ADARB2: variants seen among roughly 807,000 people sequenced by gnomAD.
ADARB2 encodes inactive double-stranded RNA-specific editase B2.
ADARB2 carries 25 observed loss-of-function variants against 62.2 expected under a neutral mutation model. The observed-to-expected ratio is 0.40, with a 90% CI of 0.29 to 0.56. ADARB2 has a LOEUF of 0.56. Among genes scored for constraint, ADARB2 ranks in the 20% least tolerant of loss-of-function variants. The pLI is 0.43. For synonymous variants in ADARB2, 572 were observed against 500.8 expected (o/e 1.14, Z -1.90); for missense variants, 1,071 against 1,077.4 (o/e 0.99, Z 0.08).
chr10:1,435,747 T>C (rs1588256807), intron 1 of ADARB2, among the ~76,000 whole-genome samples: 1 of 152,304 alleles, frequency 6.6e-6, no homozygotes, highest in East Asian at 1.9e-4. Context: ...GCCACCTGCC[T>C]CCCTGCTGGC....
chr10:1,670,389 G>A (rs1407730765), intron 1 of ADARB2, among the ~76,000 whole-genome samples: 4 of 152,150 alleles, frequency 2.6e-5, no homozygotes, highest in Non-Finnish European at 5.9e-5. Context: ...TTTTACTTAG[G>A]GCACATTATT....
chr10:1,731,779 C>A (rs1189671398), intron 1 of ADARB2, among the ~76,000 whole-genome samples: 1 of 152,194 alleles, frequency 6.6e-6, no homozygotes, highest in Admixed American at 6.5e-5. Context: ...CTTGAGCTAT[C>A]CTAACCACAG....
chr10:1,616,751 C>T (rs1588325260), intron 1 of ADARB2, among the ~76,000 whole-genome samples: 2 of 145,704 alleles, frequency 1.4e-5, no homozygotes, highest in East Asian at 2.1e-4. Context: ...AGACACACTC[C>T]ACACTGCCCT....
At chr10:1,212,505 A>G (rs1428971518) in intron 7 of ADARB2, among the ~76,000 whole-genome samples, 1 of 152,176 alleles carries the variant, frequency 6.6e-6, no homozygotes, top group African/African-American at 2.4e-5. Flanking sequence ...GAGTGGTGGC[A>G]CCACTTCTGT....
chr10:1,424,821 T>C (rs753230417), intron 1 of ADARB2, among the ~76,000 whole-genome samples: 1 of 152,192 alleles, frequency 6.6e-6, no homozygotes, highest in Non-Finnish European at 1.5e-5. Context: ...TCCTGTCGCA[T>C]TTTGGTTGCC....
intron 1 of ADARB2, chr10:1,678,216 A>C: frequency 1.0e-6 from 1 of 983,874 alleles, no homozygotes; most frequent in East Asian, 1.1e-4. Flanking sequence ...GAGTGGCCTC[A>C]GGGTGAGCGA....
At chr10:1,517,157 C>T (rs910224257) in intron 1 of ADARB2, among the ~76,000 whole-genome samples, 11 of 152,068 alleles carry the variant, frequency 7.2e-5, no homozygotes, top group Admixed American at 2.0e-4. Flanking sequence ...GTCACCCAGA[C>T]GTGGCCCCTG....
intron 1 of ADARB2, among the ~76,000 whole-genome samples, chr10:1,694,200 G>T (rs1383643651): frequency 6.6e-6 from 1 of 152,098 alleles, no homozygotes; most frequent in African/African-American, 2.4e-5. Flanking sequence ...TATTCTGTAC[G>T]GTTTTACTAC....
intron 1 of ADARB2, among the ~76,000 whole-genome samples, chr10:1,449,799 A>G (rs1346969670): frequency 6.6e-6 from 1 of 152,270 alleles, no homozygotes; most frequent in African/African-American, 2.4e-5. Context: ...TTAGGCACTC[A>G]ATGGCTAAAT....
intron 7 of ADARB2, among the ~76,000 whole-genome samples, chr10:1,204,385 A>T (rs765700324): frequency 6.6e-6 from 1 of 152,258 alleles, no homozygotes. Context: ...ATTGCAAAGC[A>T]GACAAAGCAC....
At chr10:1,377,820 C>G (rs148968553) in intron 2 of ADARB2, among the ~76,000 whole-genome samples, 1 of 152,138 alleles carries the variant, frequency 6.6e-6, no homozygotes, top group Non-Finnish European at 1.5e-5. Flanking sequence ...TCGCTCTGGT[C>G]CTGACACTCA....
intron 1 of ADARB2, among the ~76,000 whole-genome samples, chr10:1,573,616 C>A (rs991777594): frequency 6.6e-6 from 1 of 152,286 alleles, no homozygotes; most frequent in African/African-American, 2.4e-5. Flanking sequence ...CAGGCCCAGG[C>A]GCACTCTGCA....
At chr10:1,633,496 C>T (rs1833867112) in intron 1 of ADARB2, among the ~76,000 whole-genome samples, 1 of 148,046 alleles carries the variant, frequency 6.8e-6, no homozygotes, top group Non-Finnish European at 1.5e-5. Flanking sequence ...AAGTGAACAT[C>T]TCAGGTAAGG....
chr10:1,431,645 T>C lies in ADARB2; in HGVS notation c.101-52485A>G, dbSNP rs1318628641. The stretch of plus-strand genomic sequence containing the variant: ...ATCAATCAAATTGAAAACAAGAAAA[T>C]AGAAAATCAGTGAAATGAAACTAGT... On this transcript the variant is annotated intron_variant, in intron 1 of 9. Transcript: ENST00000381312. 1.3e-5 allele frequency among the ~76,000 whole-genome samples: 2 copies of C among 151,410 alleles called. 1 individual carries two copies. Among genetic ancestry groups the C allele is most frequent in the Middle Eastern group, 6.8e-3 (2 of 292 alleles).
intron 3 of ADARB2, among the ~76,000 whole-genome samples, chr10:1,272,148 C>T (rs558682939): frequency 4.7e-4 from 71 of 152,310 alleles, no homozygotes; most frequent in Non-Finnish European, 6.8e-4. Context: ...TTGCCTGAGC[C>T]TCTGAGCAGC....
chr10:1,499,902 TTCATTAC>T (rs1429099442), intron 1 of ADARB2, among the ~76,000 whole-genome samples: 2 of 152,094 alleles, frequency 1.3e-5, no homozygotes, highest in Non-Finnish European at 2.9e-5. Flanking sequence ...TCATCACTCA[TTCATTAC>T]TCATCACTCA....
intron 1 of ADARB2, among the ~76,000 whole-genome samples, chr10:1,450,043 G>T (rs1273283184): frequency 6.6e-6 from 1 of 152,142 alleles, no homozygotes; most frequent in African/African-American, 2.4e-5. Context: ...GGAGGCTGCC[G>T]CCAGTATGAC....
At chr10:1,243,788 C>T (rs2131778207) in intron 4 of ADARB2, among the ~76,000 whole-genome samples, 1 of 152,348 alleles carries the variant, frequency 6.6e-6, no homozygotes, top group South Asian at 2.1e-4. Flanking sequence ...CAGCCCCCGC[C>T]TCCTGCCCAT....
intron 1 of ADARB2, among the ~76,000 whole-genome samples, chr10:1,468,694 C>T (rs560856762): frequency 1.3e-5 from 2 of 152,204 alleles, no homozygotes; most frequent in Non-Finnish European, 2.9e-5. Flanking sequence ...CATTCTGGTC[C>T]AAGGACAAGT....
Sources: gnomAD v4.1 joint callset for allele counts (sites outside exome capture counted in the v4.1 genomes callset) on GRCh38, gnomAD v4.1.1 for gene constraint, MANE v1.5 for transcripts, NCBI Gene and HGNC (gene_info 2026-07-23, HGNC 2026-07-21) for gene names.